CDYL: variants seen among roughly 807,000 people sequenced by gnomAD.
CDYL encodes chromodomain Y-like protein.
In CDYL, 8 loss-of-function variants were observed where a neutral mutation model predicts 47.3. The observed-to-expected ratio is 0.17, with a 90% confidence interval of 0.10 to 0.31. The LOEUF (loss-of-function observed/expected upper bound fraction) is 0.31, where lower values mean the gene tolerates loss of function less well. CDYL is among the 10% of genes least tolerant of loss of function. The pLI is 1.00. For missense variants in CDYL, 471 were observed against 701.4 expected (o/e 0.67, Z 3.71); for synonymous variants, 266 against 265.0 (o/e 1.00, Z -0.04).
intron 1 of CDYL, among the ~76,000 whole-genome samples, chr6:4,866,163 TAA>T (rs1445565066): frequency 6.6e-6 from 1 of 152,062 alleles, no homozygotes; most frequent in Admixed American, 6.6e-5. Context: ...AAACCGGAAT[TAA>T]GAGTGGTTGT....
intron 1 of CDYL, among the ~76,000 whole-genome samples, chr6:4,887,449 C>G (rs1011882995): frequency 6.6e-6 from 1 of 151,904 alleles, no homozygotes; most frequent in Non-Finnish European, 1.5e-5. Context: ...ATAACTAAGA[C>G]TTTCTTAATT....
intron 1 of CDYL, among the ~76,000 whole-genome samples, chr6:4,787,409 G>A (rs559093937): frequency 3.9e-5 from 6 of 152,124 alleles, no homozygotes; most frequent in Non-Finnish European, 7.4e-5. Flanking sequence ...ATCTTGATTC[G>A]GTTGATAGAT....
At chr6:4,783,432 T>C (rs1455548136) in intron 1 of CDYL, among the ~76,000 whole-genome samples, 1 of 151,736 alleles carries the variant, frequency 6.6e-6, no homozygotes, top group Non-Finnish European at 1.5e-5. Flanking sequence ...TTTTTTTTTT[T>C]TGAGGTGGCG....
In CDYL at chr6:4,895,334, T is replaced by C. The variant is rs62636121; in HGVS notation, c.691+2955T>C. Among the ~76,000 whole-genome samples the C allele has an allele frequency of 1.2e-3, 8 of 6,954 alleles. 1 individual carries two copies. Among genetic ancestry groups the C allele is most frequent in the African/African-American group, 1.2e-3 (8 of 6,736 alleles). The allele number at this position is 6,954 out of a possible 152,430, so 4.6% of individuals were successfully genotyped here. A position where few individuals can be genotyped will look rare whatever the true frequency, so the allele number is the denominator to read the frequency against. ...GCATATATGCATGTATGTATATATGTGCATATATGCATGTATGTATATATG... is the reference window on the plus strand; with the variant it reads ...GCATATATGCATGTATGTATATATGCGCATATATGCATGTATGTATATATG... On this transcript the variant is annotated intron_variant, in intron 2 of 6. Transcript: ENST00000397588.
At chr6:4,710,379 G>GGGAAGGAAGGAAGGAAGGAAGGAA (rs371019380) in intron 1 of CDYL, among the ~76,000 whole-genome samples, 6,597 of 101,038 alleles carry the variant, frequency 0.065, 446 homozygotes, top group Middle Eastern at 0.097. Flanking sequence ...GAGGGAGGGA[G>GGGAAGGAAGGAAGGAAGGAAGGAA]GGAAGGAAGG....
intron 2 of CDYL, among the ~76,000 whole-genome samples, chr6:4,916,166 T>G (rs1367608752): frequency 6.6e-6 from 1 of 152,268 alleles, no homozygotes; most frequent in Non-Finnish European, 1.5e-5. Context: ...CAGGATTTCC[T>G]GAGGCTATGT....
chr6:4,856,345 A>G (rs1382457392), intron 1 of CDYL, among the ~76,000 whole-genome samples: 1 of 152,206 alleles, frequency 6.6e-6, no homozygotes, highest in African/African-American at 2.4e-5. Context: ...TCCTGAGTGA[A>G]GTGAAGAGGT....
intron 2 of CDYL, among the ~76,000 whole-genome samples, chr6:4,930,511 C>T (rs1758002217): frequency 6.6e-6 from 1 of 152,232 alleles, no homozygotes; most frequent in South Asian, 2.1e-4. Context: ...CCATGTTTGT[C>T]TCCTTTCACT....
chr6:4,828,529 C>T (rs954863067), intron 1 of CDYL, among the ~76,000 whole-genome samples: 2 of 152,086 alleles, frequency 1.3e-5, no homozygotes, highest in African/African-American at 4.8e-5. Context: ...CAAGTCACCT[C>T]CTGCTGCTTT....
At chr6:4,841,588 G>A (rs1417831481) in intron 1 of CDYL, among the ~76,000 whole-genome samples, 1 of 152,110 alleles carries the variant, frequency 6.6e-6, no homozygotes, top group African/African-American at 2.4e-5. Flanking sequence ...TTGCTAGGTT[G>A]TGTCACTATT....
chr6:4,751,147 G>A (rs115270635), intron 3 of CDYL, among the ~76,000 whole-genome samples: 3,263 of 152,272 alleles, frequency 0.021, 44 homozygotes, highest in Non-Finnish European at 0.035. Flanking sequence ...GAGCCACTGC[G>A]CCTGGCCAAA....
chr6:4,729,006 C>A (rs6938514), intron 2 of CDYL, among the ~76,000 whole-genome samples: 8 of 152,200 alleles, frequency 5.3e-5, no homozygotes, highest in South Asian at 2.1e-4. Context: ...AAGATCTTTC[C>A]TCCCAGGTCC....
chr6:4,715,783 C>T lies in CDYL; in HGVS notation c.5C>T (p.Thr2Ile), dbSNP rs753465732. Residue 2 changes from threonine (T) to isoleucine (I), a missense_variant, in exon 2 of 9, where the codon ACA becomes ATA. Transcript: ENST00000328908. ...CAGAGCCCCCGGAAGAATTTTATGA[C>T]ATTTCAGGCAAGCCACAGGTCAGCC... is the stretch of plus-strand genomic sequence containing the variant. 3.1e-6 allele frequency: 5 copies of T among 1,613,902 alleles called. No homozygotes were observed. The Admixed American group carries it at 6.7e-5, about 22-fold the overall frequency.
At chr6:4,933,167 C>G (rs2127518021) in intron 2 of CDYL, among the ~76,000 whole-genome samples, 2 of 152,344 alleles carry the variant, frequency 1.3e-5, no homozygotes, top group Middle Eastern at 6.8e-3. Context: ...CTTCAGCAGG[C>G]TCACTCTCTG....
intron 1 of CDYL, among the ~76,000 whole-genome samples, chr6:4,807,167 TGTG>T (rs1286926795): frequency 6.6e-6 from 1 of 152,198 alleles, no homozygotes; most frequent in Non-Finnish European, 1.5e-5. Context: ...TGTCTTCAAA[TGTG>T]GTCACATTCT....
chr6:4,865,902 A>G (rs1040215627), intron 1 of CDYL, among the ~76,000 whole-genome samples: 2 of 152,240 alleles, frequency 1.3e-5, no homozygotes, highest in Admixed American at 6.5e-5. Flanking sequence ...TACAAAGATC[A>G]GAAGATTTGA....
At position 4,952,230 on chromosome 6, in the gene CDYL, C is replaced by T. The variant is rs202082387; in HGVS notation, c.1333-36C>T. 39 of 1,600,676 alleles carry T rather than the reference C, an allele frequency of 2.4e-5. No individual in the cohort carries two copies. In the African/African-American group the frequency reaches 2.8e-4, roughly 12 times the overall value. ...TGGGTCTTCCCCGCCCGCCTCCCACCGCAATTCATATTACATCCACTCTTC... is the reference window on the plus strand; with the variant it reads ...TGGGTCTTCCCCGCCCGCCTCCCACTGCAATTCATATTACATCCACTCTTC... On this transcript the variant is annotated intron_variant, in intron 5 of 6. Transcript: ENST00000397588.
chr6:4,751,160 ACT>A (rs2127420005), intron 3 of CDYL, among the ~76,000 whole-genome samples: 1 of 151,862 alleles, frequency 6.6e-6, no homozygotes, highest in South Asian at 2.1e-4. Context: ...TGGCCAAAAT[ACT>A]CTTTTTAATG....
At chr6:4,717,791 G>A (rs931785054) in intron 2 of CDYL, among the ~76,000 whole-genome samples, 5 of 134,900 alleles carry the variant, frequency 3.7e-5, no homozygotes, top group African/African-American at 1.4e-4. Context: ...TTTGGTTTTT[G>A]TTGTTTTCTT....
Sources: allele counts gnomAD v4.1 joint callset (sites outside exome capture counted in the v4.1 genomes callset), GRCh38; gene constraint gnomAD v4.1.1; transcripts MANE v1.5; gene names NCBI Gene and HGNC (gene_info 2026-07-23, HGNC 2026-07-21).